SAP30: variants seen among roughly 807,000 people sequenced by gnomAD.
SAP30 encodes the protein histone deacetylase complex subunit SAP30.
In SAP30, 13 loss-of-function variants were observed where a neutral mutation model predicts 19.6. That is an observed-to-expected ratio of 0.66 (90% CI 0.43 to 1.05). The LOEUF is 1.05. Among genes scored for constraint, SAP30 ranks in the 50% least tolerant of loss-of-function variants. The pLI is 0.00. For synonymous variants in SAP30, 108 were observed against 122.7 expected (o/e 0.88, Z 0.79); for missense variants, 257 against 292.1 (o/e 0.88, Z 0.88).
rs766319460 is a variant in SAP30 at position 173,377,260 on chromosome 4, A to G, written c.596A>G (p.Tyr199Cys). The stretch of plus-strand genomic sequence containing the variant: ...GTGAATGAAAAAGACACCTTAACAT[A>G]TTTCATCTACTCAGTGAAGAATGAC... ...IPVNEKDTLT[Y>C]FIYSVKNDKN... Residue 199 changes from tyrosine to cysteine, a missense_variant, in exon 4 of 4, where the codon TAT (tyrosine) becomes TGT (cysteine). Physicochemically the swap from Tyr to Cys is radical, Grantham distance 194. Transcript: ENST00000296504. 1.2e-6 allele frequency: 2 copies of G among 1,609,036 alleles called. No homozygotes were observed. The highest frequency in any genetic ancestry group is 1.7e-5 in the Admixed American group (1 of 59,142).
intron 2 of SAP30, 125 bp from the exon 3 acceptor site, chr4:173,373,814 A>T (rs989666894): frequency 2.0e-4 from 84 of 429,324 alleles, no homozygotes; most frequent in Non-Finnish European, 3.0e-4. Context: ...TAAATTTTTT[A>T]AATTTTTTTT....
chr4:173,371,350 G>T lies in SAP30; in HGVS notation c.168G>T (p.Pro56=). 1 of 1,470,296 alleles carries T rather than the reference G, an allele frequency of 6.8e-7. No individual in the cohort carries two copies. The highest frequency in any genetic ancestry group is 2.8e-5 in the East Asian group (1 of 35,198). The allele number at this position is 1,470,296 out of a possible 1,614,324, so 91.1% of individuals were successfully genotyped here. The change falls in exon 1 of 4, where the codon CCG becomes CCT. Residue 56 remains proline, a synonymous_variant. Transcript: ENST00000296504. This position sits in a 1 kb window ranked among gnomAD's most constrained non-coding sequence, Gnocchi z 6.4. ...GAGAVSAAGP[P]GAAGPGPGQL... ...GGGCGGTCTCAGCGGCTGGGCCCCC[G>T]GGGGCGGCCGGGCCGGGCCCCGGGC...
At chr4:173,375,209 AT>A (rs1203618433) in intron 3 of SAP30, among the ~76,000 whole-genome samples, 1 of 151,950 alleles carries the variant, frequency 6.6e-6, no homozygotes, top group East Asian at 1.9e-4. Context: ...GTTTTCTCAT[AT>A]TCTTTGCATG....
chr4:173,371,164 G>GC lies in SAP30; in HGVS notation c.-17dup, dbSNP rs1375410021. On this transcript the variant is annotated 5_prime_UTR_variant, in exon 1 of 4. Transcript: ENST00000296504. The surrounding 1 kb of genome is among the most constrained non-coding windows in gnomAD (Gnocchi z 6.4). The stretch of plus-strand genomic sequence containing the variant: ...AGAGAGGGGATTTCTGTCAGCGCCG[G>GC]CCTCGGGAGCTCGGAGACATGAACG... 2 of 1,479,676 alleles carry GC rather than the reference G, an allele frequency of 1.4e-6. No individual in the cohort carries two copies. The highest frequency in any genetic ancestry group is 1.8e-6 in the Non-Finnish European group (2 of 1,121,238). The allele number at this position is 1,479,676 out of a possible 1,614,324, so 91.7% of individuals were successfully genotyped here. A position where few individuals can be genotyped will look rare whatever the true frequency, so the allele number is the denominator to read the frequency against.
chr4:173,373,816 AT>A (rs200501352), intron 2 of SAP30, 122 bp from the exon 3 acceptor site: 62 of 386,794 alleles, frequency 1.6e-4, no homozygotes, highest in South Asian at 5.5e-4. Flanking sequence ...AATTTTTTAA[AT>A]TTTTTTTGAT....
intron 1 of SAP30, 125 bp from the exon 2 acceptor site, chr4:173,373,265 A>T: frequency 1.4e-6 from 1 of 738,700 alleles, no homozygotes; most frequent in East Asian, 3.0e-5. Context: ...ATATTCCATT[A>T]TCTTAACAAT....
chr4:173,373,983 A>G lies in SAP30; in HGVS notation c.486A>G (p.Lys162=), dbSNP rs760132317. The part of the protein sequence containing the change: ...QLQVNTLRRY[K]RHFKLPTRPG... ...AAGTAAATACACTTAGGAGATACAA[A>G]AGACACTTCAAGCTACCAACCAGAC... is the stretch of plus-strand genomic sequence containing the variant. The change falls in exon 3 of 4, where the codon AAA becomes AAG. Residue 162 remains lysine, a synonymous_variant. Transcript: ENST00000296504. The G allele has an allele frequency of 6.2e-7, 1 of 1,604,954 alleles. No homozygotes were observed. Among genetic ancestry groups the G allele is most frequent in the Admixed American group, 1.7e-5 (1 of 58,522 alleles).
Position 173,377,207 on chromosome 4 carries a change from A to T in SAP30, c.543A>T (p.Ile181=), listed in dbSNP as rs1739059848. ...PGLNKAQLVE[I]VGCHFRSIPV... is the part of the protein sequence containing the mutation. ...CTTAATTTTTCTTTTCTTTGTAGAT[A>T]GTTGGTTGCCACTTTAGGTCTATTC... Residue 181 remains isoleucine, a splice_region_variant and synonymous_variant, in exon 4 of 4, where the codon ATA becomes ATT. Transcript: ENST00000296504. 6.4e-7 allele frequency: 1 copy of T among 1,573,074 alleles called. No homozygotes were observed. Among genetic ancestry groups the T allele is most frequent in the African/African-American group, 1.4e-5 (1 of 72,438 alleles).
In SAP30 at chr4:173,377,026, C is replaced by T. The variant is rs74499129; in HGVS notation, c.541-179C>T. ...CTTTGAAATCACACTATCTCTTGTT[C>T]GTAACATTTTATTCTTGAATGCTTT... On this transcript the variant is annotated intron_variant, in intron 3 of 3. Transcript: ENST00000296504. 3.9e-3 allele frequency among the ~76,000 whole-genome samples: 594 copies of T among 152,128 alleles called. 11 individuals carry two copies. The East Asian group carries it at 0.049, about 13-fold the overall frequency.
Position 173,373,951 on chromosome 4 carries a change from C to G in SAP30, c.454C>G (p.Gln152Glu). The G allele has an allele frequency of 1.9e-6, 3 of 1,552,088 alleles. No homozygotes were observed. The highest frequency in any genetic ancestry group is 2.6e-6 in the Non-Finnish European group (3 of 1,143,214). The change falls in exon 3 of 4, where the codon CAA (glutamine) becomes GAA (glutamate). Residue 152 changes from glutamine (Q) to glutamate (E), a missense_variant. Gln to Glu is a conservative substitution (Grantham distance 29). Coordinates refer to ENST00000296504, the MANE Select transcript of SAP30 (RefSeq NM_003864.4). ...DIDTPEVDLY[Q>E]LQVNTLRRYK... ...TAATTTTTTCTAGGTTGATTTATAC[C>G]AATTACAAGTAAATACACTTAGGAG...
Position 173,371,673 on chromosome 4 carries a change from C to T in SAP30, c.315+176C>T, listed in dbSNP as rs150030151. ...AGTCGCTGCAACTCCTACCGCCACC[C>T]CAACACACACACCACACACAGGCTG... On this transcript the variant is annotated intron_variant, in intron 1 of 3. Coordinates refer to ENST00000296504, the MANE Select transcript of SAP30 (RefSeq NM_003864.4). This position sits in a 1 kb window ranked among gnomAD's most constrained non-coding sequence, Gnocchi z 6.4. Among the ~76,000 whole-genome samples the T allele has an allele frequency of 0.042, 6,387 of 152,112 alleles. 166 individuals are homozygous for T. The highest frequency in any genetic ancestry group is 0.078 in the South Asian group (376 of 4,820).
intron 3 of SAP30, among the ~76,000 whole-genome samples, chr4:173,374,495 T>A (rs1301932983): frequency 6.6e-6 from 1 of 152,156 alleles, no homozygotes; most frequent in African/African-American, 2.4e-5. Context: ...TGGCCAGACT[T>A]GTTTCAAACT....
intron 2 of SAP30, among the ~76,000 whole-genome samples, chr4:173,373,732 CT>C (rs1444609056): frequency 2.0e-5 from 3 of 151,984 alleles, no homozygotes; most frequent in African/African-American, 7.3e-5. Flanking sequence ...ATAACTTACT[CT>C]TTTTTTGACC....
intron 3 of SAP30, 97 bp from the exon 4 acceptor site, chr4:173,377,108 T>G: frequency 1.3e-6 from 1 of 798,118 alleles, no homozygotes; most frequent in Non-Finnish European, 1.9e-6. Context: ...CCTTATCACA[T>G]AGCACTTTTT....
chr4:173,372,868 C>T (rs1170916206), intron 1 of SAP30, among the ~76,000 whole-genome samples: 5 of 152,178 alleles, frequency 3.3e-5, no homozygotes, highest in African/African-American at 1.2e-4. Flanking sequence ...CTGCAACCTC[C>T]AACCACCAGG....
At chr4:173,372,122 G>A (rs1738951846) in intron 1 of SAP30, among the ~76,000 whole-genome samples, 1 of 152,348 alleles carries the variant, frequency 6.6e-6, no homozygotes, top group South Asian at 2.1e-4. Context: ...TAGCCTCTGC[G>A]GTTTTGCCAT....
At chr4:173,377,157 C>T in intron 3 of SAP30, 48 bp from the exon 4 acceptor site, 1 of 1,412,060 alleles carries the variant, frequency 7.1e-7, no homozygotes, top group Admixed American at 2.4e-5. Flanking sequence ...GTTTATGAAA[C>T]CTGTTATATC....
intron 2 of SAP30, 52 bp downstream of exon 2, chr4:173,373,567 A>G (rs756978398): frequency 2.0e-6 from 3 of 1,480,096 alleles, no homozygotes; most frequent in African/African-American, 2.9e-5. Context: ...TGCATTCTGA[A>G]GCCTTTATAA....
intron 3 of SAP30, among the ~76,000 whole-genome samples, 184 bp from the exon 4 acceptor site, chr4:173,377,020 CT>C (rs1281832849): frequency 7.9e-5 from 12 of 152,116 alleles, no homozygotes; most frequent in African/African-American, 2.9e-4. Context: ...CACACTATCT[CT>C]TGTTCGTAAC....
Sources: gnomAD v4.1 joint callset for allele counts (sites outside exome capture counted in the v4.1 genomes callset) on GRCh38, gnomAD v4.1.1 for gene constraint, Gnocchi (gnomAD v3.1) non-coding constraint, MANE v1.5 for transcripts, NCBI Gene and HGNC (gene_info 2026-07-23, HGNC 2026-07-21) for gene names.